DAB1: variants seen among roughly 807,000 people sequenced by gnomAD.
The protein encoded by DAB1 is DAB adaptor protein 1.
DAB1 carries 15 observed loss-of-function variants against 64.6 expected under a neutral mutation model. That is an observed-to-expected ratio of 0.23 (90% CI 0.16 to 0.36). The LOEUF (loss-of-function observed/expected upper bound fraction) is 0.36. Ranked by LOEUF, DAB1 falls within the 10% of genes least tolerant of loss-of-function variation. The probability of loss-of-function intolerance (pLI) is 1.00; values close to 1 mark genes in which losing one functional copy is unlikely to be tolerated. For synonymous variants in DAB1, 235 were observed against 251.9 expected (o/e 0.93, Z 0.64); for missense variants, 596 against 706.7 (o/e 0.84, Z 1.78).
chr1:57,351,177 G>C (rs996713250), intron 1 of DAB1, among the ~76,000 whole-genome samples: 1 of 152,166 alleles, frequency 6.6e-6, no homozygotes, highest in Non-Finnish European at 1.5e-5. Flanking sequence ...AAACTAGGGA[G>C]TGACAGAACT....
At chr1:57,105,315 AT>A (rs1375931492) in intron 4 of DAB1, among the ~76,000 whole-genome samples, 1 of 151,876 alleles carries the variant, frequency 6.6e-6, no homozygotes, top group Non-Finnish European at 1.5e-5. Context: ...AAAAAAATGC[AT>A]TTTTCAAAAA....
chr1:57,577,415 TA>T (rs5774358), intron 7 of DAB1, among the ~76,000 whole-genome samples: 138,052 of 147,092 alleles, frequency 0.94, 65,146 homozygotes, highest in East Asian at 1. Context: ...GGAGGCTTCC[TA>T]AAAAAAAAAA....
chr1:57,223,262 A>C (rs1028237110), intron 2 of DAB1, among the ~76,000 whole-genome samples: 1 of 152,244 alleles, frequency 6.6e-6, no homozygotes, highest in Non-Finnish European at 1.5e-5. Flanking sequence ...AACATCATTC[A>C]GGAAAGTGGA....
intron 7 of DAB1, among the ~76,000 whole-genome samples, chr1:57,430,310 T>C (rs1685451804): frequency 6.6e-6 from 1 of 152,206 alleles, no homozygotes; most frequent in Non-Finnish European, 1.5e-5. Flanking sequence ...TTAAATAGTT[T>C]GTAGTACTTG....
chr1:58,382,252 A>G (rs555612758), intron 3 of DAB1, among the ~76,000 whole-genome samples: 1 of 152,118 alleles, frequency 6.6e-6, no homozygotes, highest in East Asian at 1.9e-4. Context: ...GGTCTTTCCT[A>G]CTGTAATAAT....
At chr1:57,351,546 G>A (rs959021271) in intron 1 of DAB1, among the ~76,000 whole-genome samples, 2 of 152,106 alleles carry the variant, frequency 1.3e-5, no homozygotes, top group East Asian at 1.9e-4. Flanking sequence ...ATTCTGTACA[G>A]TAATTGTATA....
intron 1 of DAB1, among the ~76,000 whole-genome samples, chr1:57,342,317 C>T (rs991674938): frequency 5.9e-5 from 9 of 152,150 alleles, no homozygotes; most frequent in Admixed American, 1.3e-4. Context: ...ACACTCTGCT[C>T]CCTGCAGCTA....
intron 1 of DAB1, among the ~76,000 whole-genome samples, chr1:57,389,505 G>T (rs1778032): frequency 6.6e-6 from 1 of 151,814 alleles, no homozygotes; most frequent in Non-Finnish European, 1.5e-5. Flanking sequence ...TAGTTCCTGT[G>T]GCCCTGCCTC....
downstream of DAB1, among the ~76,000 whole-genome samples, chr1:57,821,446 T>C (rs575444857): frequency 6.6e-6 from 1 of 152,314 alleles, no homozygotes; most frequent in South Asian, 2.1e-4. Flanking sequence ...AGTTGTCCAT[T>C]TGTCACATCT....
chr1:58,405,100 C>G (rs1644603568), intron 3 of DAB1, among the ~76,000 whole-genome samples: 1 of 152,194 alleles, frequency 6.6e-6, no homozygotes, highest in South Asian at 2.1e-4. Context: ...CTCTCCACTC[C>G]CAGAAACACC....
chr1:58,182,538 TA>T (rs1259616939), intron 4 of DAB1, among the ~76,000 whole-genome samples: 3 of 152,036 alleles, frequency 2.0e-5, no homozygotes, highest in African/African-American at 7.3e-5. Context: ...TCAAGTTTGC[TA>T]AATCTTTCTC....
At chr1:57,678,762 T>TTTG (rs1553207653) in intron 6 of DAB1, among the ~76,000 whole-genome samples, 1 of 17,272 alleles carries the variant, frequency 5.8e-5, no homozygotes, top group African/African-American at 2.4e-4. Flanking sequence ...GAGGCAACTG[T>TTTG]TTTTTGTTTT....
chr1:57,422,307 T>C (rs1684977244), intron 1 of DAB1, among the ~76,000 whole-genome samples: 1 of 152,200 alleles, frequency 6.6e-6, no homozygotes, highest in Non-Finnish European at 1.5e-5. Context: ...GCGCGGATTC[T>C]CGCCCCGGTC....
chr1:57,392,112 G>C (rs142193168), intron 1 of DAB1, among the ~76,000 whole-genome samples: 4 of 152,096 alleles, frequency 2.6e-5, no homozygotes, highest in Non-Finnish European at 5.9e-5. Flanking sequence ...AGTGGCTCAC[G>C]GCTATAATCC....
At chr1:57,823,381 G>C (rs556107845), downstream of DAB1, among the ~76,000 whole-genome samples, 1 of 152,226 alleles carries the variant, frequency 6.6e-6, no homozygotes, top group South Asian at 2.1e-4. Flanking sequence ...TGTGACTGGG[G>C]AGGTTGGACA....
chr1:58,398,522 G>A (rs576673213), intron 3 of DAB1, among the ~76,000 whole-genome samples: 11 of 152,322 alleles, frequency 7.2e-5, no homozygotes, highest in African/African-American at 2.4e-4. Flanking sequence ...CCACTGTGGC[G>A]CATCCATAGC....
chr1:58,049,378 C>T, intron 5 of DAB1: 4 of 550,858 alleles, frequency 7.3e-6, no homozygotes, highest in Non-Finnish European at 1.3e-5. Context: ...GTATCTTAAC[C>T]TGAACTATTT....
At chr1:57,560,964 T>C (rs1049212102) in intron 7 of DAB1, among the ~76,000 whole-genome samples, 11 of 152,174 alleles carry the variant, frequency 7.2e-5, no homozygotes, top group African/African-American at 2.7e-4. Context: ...CTATCATGAA[T>C]TGAGTGCTTT....
intron 1 of DAB1, among the ~76,000 whole-genome samples, chr1:57,366,364 G>C (rs985844629): frequency 5.3e-5 from 8 of 152,206 alleles, no homozygotes; most frequent in African/African-American, 1.9e-4. Context: ...ATGAGTAAAA[G>C]AAAGTAATAG....
Sources: allele counts gnomAD v4.1 joint callset (sites outside exome capture counted in the v4.1 genomes callset), GRCh38; gene constraint gnomAD v4.1.1; transcripts MANE v1.5; gene names NCBI Gene and HGNC (gene_info 2026-07-23, HGNC 2026-07-21).